The following HDHD3 variants were observed in gnomAD, a reference collection of about 807,000 sequenced individuals.
HDHD3 encodes the protein haloacid dehalogenase like hydrolase domain containing 3.
HDHD3 carries 6 observed loss-of-function variants against 6.9 expected under a neutral mutation model. That is an observed-to-expected ratio of 0.87 (90% CI 0.48 to 1.72). The LOEUF (loss-of-function observed/expected upper bound fraction) is 1.72, where lower values mean the gene tolerates loss of function less well. Ranked by LOEUF, HDHD3 falls within the 40% of genes most tolerant of loss-of-function variation. The pLI is 0.01. For synonymous variants in HDHD3, 139 were observed against 140.7 expected (o/e 0.99, Z 0.08); for missense variants, 308 against 327.4 (o/e 0.94, Z 0.46).
intron 2 of HDHD3, among the ~76,000 whole-genome samples, chr9:113,374,739 G>A (rs1383218114): frequency 1.3e-5 from 2 of 152,122 alleles, no homozygotes; most frequent in Non-Finnish European, 1.5e-5. Flanking sequence ...ACAGGGATAC[G>A]GATATTAGGC....
rs1421492597 is a variant in HDHD3 at position 113,376,430 on chromosome 9, T to G, written c.-291+299A>C. 3.7e-5 allele frequency among the ~76,000 whole-genome samples: 5 copies of G among 136,290 alleles called. 1 individual carries two copies. The highest frequency in any genetic ancestry group is 1.5e-4 in the African/African-American group (5 of 34,010). 89.4% of individuals were successfully genotyped at this position (136,290 alleles called of 152,430 possible). ...TGGTGCGATCTCGGCTCACTGCAACTTCCGCCTCCCGGATTCAAGCGATTC... is the reference window on the plus strand; with the variant it reads ...TGGTGCGATCTCGGCTCACTGCAACGTCCGCCTCCCGGATTCAAGCGATTC... On this transcript the variant is annotated intron_variant, in intron 1 of 2. Coordinates refer to ENST00000374180, the MANE Select transcript of HDHD3 (RefSeq NM_001304509.2).
Position 113,373,509 on chromosome 9 carries a change from G to C in HDHD3, c.*90C>G. On this transcript the variant is annotated 3_prime_UTR_variant, in exon 3 of 3. Transcript: ENST00000374180. ...CCGCAGGGAGAGGGGGAAAGGTCCA[G>C]AGCTGTGGAGAAAGAAGGGGCTCCC... The C allele has an allele frequency of 7.3e-7, 1 of 1,375,090 alleles. No individual in the cohort carries two copies. The highest frequency in any genetic ancestry group is 9.8e-7 in the Non-Finnish European group (1 of 1,018,794). 85.2% of individuals were successfully genotyped at this position (1,375,090 alleles called of 1,614,324 possible).
chr9:113,376,557 C>G (rs147078866), intron 1 of HDHD3, among the ~76,000 whole-genome samples, 172 bp downstream of exon 1: 35 of 149,988 alleles, frequency 2.3e-4, no homozygotes, highest in Admixed American at 4.0e-4. Context: ...CTATGTTAGC[C>G]AGGCTGGTCT....
Position 113,373,919 on chromosome 9 carries a change from C to T in HDHD3, c.436G>A (p.Gly146Arg), listed in dbSNP as rs769510319. ...AAGTGTTCACGCAGGCCAAGGCCCCCCAGGATGCCCTCTAGCCGTCGGTCA... is the reference window on the plus strand; with the variant it reads ...AAGTGTTCACGCAGGCCAAGGCCCCTCAGGATGCCCTCTAGCCGTCGGTCA... ...NFDRRLEGIL[G>R]GLGLREHFDF... Residue 146 changes from glycine to arginine, a missense_variant, in exon 3 of 3, where the codon GGG becomes AGG. By Grantham distance (125) the Gly-to-Arg change is moderately radical. Coordinates refer to ENST00000374180, the MANE Select transcript of HDHD3 (RefSeq NM_001304509.2). The T allele has an allele frequency of 1.4e-5, 22 of 1,614,112 alleles. No homozygotes were observed. The highest frequency in any genetic ancestry group is 1.5e-5 in the Non-Finnish European group (18 of 1,180,046).
At position 113,374,345 on chromosome 9, in the gene HDHD3, G is replaced by A. The variant is rs751267173; in HGVS notation, c.10C>T (p.Arg4Trp). The A allele has an allele frequency of 4.6e-5, 69 of 1,513,500 alleles. No individual in the cohort carries two copies. The highest frequency in any genetic ancestry group is 5.8e-5 in the Non-Finnish European group (65 of 1,129,896). 93.8% of individuals were successfully genotyped at this position (1,513,500 alleles called of 1,614,324 possible). A position where few individuals can be genotyped will look rare whatever the true frequency, so the allele number is the denominator to read the frequency against. ...CACGTCAGCAGTCGTATCTGCAGCC[G>A]GTGTGCCATGGAGGAGGCCAAGTCC... MAH[R>W]LQIRLLTWDV... The change falls in exon 3 of 3, where the codon CGG (arginine) becomes TGG (tryptophan). Residue 4 changes from arginine to tryptophan, a missense_variant. By Grantham distance (101) the Arg-to-Trp change is moderately radical. Coordinates refer to ENST00000374180, the MANE Select transcript of HDHD3 (RefSeq NM_001304509.2).
rs952609048 is a variant in HDHD3, at chr9:113,374,407, G to A, written c.-53C>T. 4 of 1,474,490 alleles carry A rather than the reference G, an allele frequency of 2.7e-6. No individual in the cohort carries two copies. The African/African-American group carries it at 4.2e-5, about 16-fold the overall frequency. The allele number at this position is 1,474,490 out of a possible 1,614,324, so 91.3% of individuals were successfully genotyped here. A position where few individuals can be genotyped will look rare whatever the true frequency, so the allele number is the denominator to read the frequency against. On this transcript the variant is annotated 5_prime_UTR_variant, in exon 3 of 3. Coordinates refer to ENST00000374180, the MANE Select transcript of HDHD3 (RefSeq NM_001304509.2). ...GCCTCAGGTCCCACGGTGGGTCCCA[G>A]GGGAAGCTGAGCTGGATAAGACCAC...
intron 1 of HDHD3, among the ~76,000 whole-genome samples, chr9:113,376,387 T>C (rs1834463676): frequency 7.8e-6 from 1 of 128,016 alleles, no homozygotes; most frequent in Non-Finnish European, 1.6e-5. Flanking sequence ...AGTCTCACTC[T>C]GTCACCCAGG....
intron 1 of HDHD3, chr9:113,376,012 G>A (rs1834450156): frequency 6.8e-6 from 1 of 147,038 alleles, no homozygotes; most frequent in Non-Finnish European, 1.5e-5. Context: ...GCACAGCTAA[G>A]ACTAGAGCAG....
At position 113,374,282 on chromosome 9, in the gene HDHD3, A is replaced by AGGGGT. The variant is rs748134141; in HGVS notation, c.68_72dup (p.Leu25ThrfsTer3). 1.9e-6 allele frequency: 3 copies of AGGGGT among 1,568,486 alleles called. No homozygotes were observed. Among genetic ancestry groups the AGGGGT allele is most frequent in the Non-Finnish European group, 1.7e-6 (2 of 1,157,346 alleles). ...GCCTTGGTGGCATAGGCCTCCCCTA[A>AGGGGT]GGGGTGGCGGAGCCTGAGCAGCGTG... On this transcript the variant is annotated frameshift_variant, in exon 3 of 3. Coordinates refer to ENST00000374180, the MANE Select transcript of HDHD3 (RefSeq NM_001304509.2). LOFTEE classifies it high-confidence loss of function.
rs186126356 is a variant in HDHD3 at position 113,376,404 on chromosome 9, G to A, written c.-291+325C>T. Among the ~76,000 whole-genome samples the A allele has an allele frequency of 3.0e-3, 376 of 125,402 alleles. 22 individuals carry two copies. Among genetic ancestry groups the A allele is most frequent in the Middle Eastern group, 0.011 (2 of 184 alleles). 82.3% of individuals were successfully genotyped at this position (125,402 alleles called of 152,430 possible). A position where few individuals can be genotyped will look rare whatever the true frequency, so the allele number is the denominator to read the frequency against. On this transcript the variant is annotated intron_variant, in intron 1 of 2. Coordinates refer to ENST00000374180, the MANE Select transcript of HDHD3 (RefSeq NM_001304509.2). The stretch of plus-strand genomic sequence containing the variant: ...TCTCACTCTGTCACCCAGGTGTACA[G>A]TGGTGCGATCTCGGCTCACTGCAAC...
chr9:113,374,333 G>A lies in HDHD3; in HGVS notation c.22C>T (p.Arg8Ter), dbSNP rs762454833. The part of the protein sequence containing the change: MAHRLQI[R>*]LLTWDVKDTL... ...TCCTTCACATCCCACGTCAGCAGTC[G>A]TATCTGCAGCCGGTGTGCCATGGAG... Residue 8 changes from arginine (R) to a stop codon, truncating the protein, a stop_gained, in exon 3 of 3, where the codon CGA becomes TGA. Coordinates refer to ENST00000374180, the MANE Select transcript of HDHD3 (RefSeq NM_001304509.2). LOFTEE classifies it high-confidence loss of function. 9.2e-6 allele frequency: 14 copies of A among 1,516,792 alleles called. No homozygotes were observed. Among genetic ancestry groups the A allele is most frequent in the South Asian group, 6.6e-5 (5 of 76,034 alleles). The allele number at this position is 1,516,792 out of a possible 1,614,324, so 94.0% of individuals were successfully genotyped here.
chr9:113,374,273 C>T lies in HDHD3; in HGVS notation c.82G>A (p.Ala28Thr). The change falls in exon 3 of 3, where the codon GCC becomes ACC. Residue 28 changes from alanine (A) to threonine (T), a missense_variant. Transcript: ENST00000374180. The part of the protein sequence containing the change: ...LLRLRHPLGE[A>T]YATKARAHGL... ...TGGGCCCGGGCCTTGGTGGCATAGGCCTCCCCTAAGGGGTGGCGGAGCCTG... is the reference window on the plus strand; with the variant it reads ...TGGGCCCGGGCCTTGGTGGCATAGGTCTCCCCTAAGGGGTGGCGGAGCCTG... 1.3e-6 allele frequency: 2 copies of T among 1,587,068 alleles called. No individual in the cohort carries two copies. The highest frequency in any genetic ancestry group is 1.7e-6 in the Non-Finnish European group (2 of 1,165,968).
rs745697690 is a variant in HDHD3 at position 113,373,824 on chromosome 9, C to G, written c.531G>C (p.Leu177Phe). Residue 177 changes from leucine to phenylalanine, a missense_variant, in exon 3 of 3, where the codon TTG becomes TTC. Transcript: ENST00000374180. ...CTACTGGTTCCATATGAGCAAGCCGCAAGGCCTCCTGGAAAATGCGGGGGT... is the reference window on the plus strand; with the variant it reads ...CTACTGGTTCCATATGAGCAAGCCGGAAGGCCTCCTGGAAAATGCGGGGGT... ...KPDPRIFQEA[L>F]RLAHMEPVVA... 1.2e-6 allele frequency: 2 copies of G among 1,614,020 alleles called. No individual in the cohort carries two copies. Among genetic ancestry groups the G allele is most frequent in the Admixed American group, 1.7e-5 (1 of 60,018 alleles).
chr9:113,374,641 CACA>C (rs1834419013), intron 2 of HDHD3, 112 bp from the exon 3 acceptor site: 1 of 349,066 alleles, frequency 2.9e-6, no homozygotes, highest in East Asian at 4.4e-5. Flanking sequence ...ACTCTGAATC[CACA>C]ACAAATTTCT....
Position 113,376,858 on chromosome 9 carries a change from C to T in HDHD3, c.-420G>A, listed in dbSNP as rs985699548. The T allele has an allele frequency of 4.6e-5, 7 of 152,286 alleles. No individual in the cohort carries two copies. Among genetic ancestry groups the T allele is most frequent in the African/African-American group, 1.7e-4 (7 of 41,476 alleles). 9.4% of individuals were successfully genotyped at this position (152,286 alleles called of 1,614,324 possible). A position where few individuals can be genotyped will look rare whatever the true frequency, so the allele number is the denominator to read the frequency against. ...CCTAGGGGCCTTGGCCGCGGCCGAC[C>T]CCTTGGGTCCCCTTCTCAGCTGTAG... On this transcript the variant is annotated 5_prime_UTR_variant, in exon 1 of 3. Transcript: ENST00000374180.
intron 1 of HDHD3, 139 bp downstream of exon 1, chr9:113,376,590 T>TCCCC (rs1564357640): frequency 2.2e-5 from 3 of 134,288 alleles, no homozygotes; most frequent in South Asian, 2.3e-4. Context: ...CTCGTGATCC[T>TCCCC]CCCCCGCCCC....
chr9:113,374,002 T>C lies in HDHD3; in HGVS notation c.353A>G (p.Glu118Gly). The C allele has an allele frequency of 3.7e-6, 6 of 1,614,208 alleles. No homozygotes were observed. The highest frequency in any genetic ancestry group is 5.1e-6 in the Non-Finnish European group (6 of 1,180,014). Residue 118 changes from glutamate (E) to glycine (G), a missense_variant, in exon 3 of 3, where the codon GAG becomes GGG. Glu to Gly is a moderately conservative substitution (Grantham distance 98). Transcript: ENST00000374180. ...TGTGCGGCACTCCCTCAGGGTGTCC[T>C]CAGCCCCATCCAACACCTGCCAGGT... ...PCTWQVLDGA[E>G]DTLRECRTRG... is the part of the protein sequence containing the mutation.
At position 113,374,029 on chromosome 9, in the gene HDHD3, C is replaced by T. The variant is rs1834398397; in HGVS notation, c.326G>A (p.Cys109Tyr). 13 of 1,614,134 alleles carry T rather than the reference C, an allele frequency of 8.1e-6. No individual in the cohort carries two copies. The highest frequency in any genetic ancestry group is 1.1e-5 in the Non-Finnish European group (13 of 1,179,990). Residue 109 changes from cysteine to tyrosine, a missense_variant, in exon 3 of 3, where the codon TGC becomes TAC. Transcript: ENST00000374180. ...AGCCCCATCCAACACCTGCCAGGTG[C>T]AGGGGTGGCTGAAGTCTTTATAAAG... ...EQLYKDFSHP[C>Y]TWQVLDGAED...
rs577748265 is a variant in HDHD3, at chr9:113,374,344, C to T, written c.11G>A (p.Arg4Gln). 25 of 1,514,066 alleles carry T rather than the reference C, an allele frequency of 1.7e-5. No homozygotes were observed. The Admixed American group carries it at 2.2e-4, about 13-fold the overall frequency. 93.8% of individuals were successfully genotyped at this position (1,514,066 alleles called of 1,614,324 possible). A position where few individuals can be genotyped will look rare whatever the true frequency, so the allele number is the denominator to read the frequency against. The change falls in exon 3 of 3, where the codon CGG becomes CAG. Residue 4 changes from arginine to glutamine, a missense_variant. Coordinates refer to ENST00000374180, the MANE Select transcript of HDHD3 (RefSeq NM_001304509.2). ...CCACGTCAGCAGTCGTATCTGCAGC[C>T]GGTGTGCCATGGAGGAGGCCAAGTC... is the stretch of plus-strand genomic sequence containing the variant. MAH[R>Q]LQIRLLTWDV...
Sources: allele counts gnomAD v4.1 joint callset (sites outside exome capture counted in the v4.1 genomes callset), GRCh38; gene constraint gnomAD v4.1.1; transcripts MANE v1.5; gene names NCBI Gene and HGNC (gene_info 2026-07-23, HGNC 2026-07-21).